Variants in R3HDM1 observed in about 807,000 individuals in gnomAD.
The protein encoded by R3HDM1 is R3H domain containing 1, also known as R3H domain-containing protein 1.
R3HDM1 carries 46 observed loss-of-function variants against 141.1 expected under a neutral mutation model. That is an observed-to-expected ratio of 0.33 (90% confidence interval 0.26 to 0.42). The LOEUF is 0.42. R3HDM1 is among the 10% of genes least tolerant of loss of function. R3HDM1 has a pLI of 1.00. For synonymous variants in R3HDM1, 435 were observed against 472.9 expected, an observed-to-expected ratio of 0.92 and a Z score of 1.04; for missense variants, 1,184 against 1,368.3, an observed-to-expected ratio of 0.87 and a Z score of 2.12.
At chr2:135,659,366 A>G (rs1212518169) in intron 18 of R3HDM1, among the ~76,000 whole-genome samples, 2 of 151,874 alleles carry the variant, frequency 1.3e-5, no homozygotes, top group African/African-American at 4.8e-5. Context: ...CCAGAGTGCT[A>G]GGATCACAGG....
chr2:135,575,042 G>A (rs1004343065), intron 1 of R3HDM1, among the ~76,000 whole-genome samples: 14 of 152,274 alleles, frequency 9.2e-5, no homozygotes, highest in Admixed American at 7.8e-4. Flanking sequence ...ATATGATAAC[G>A]GGTTGAGCAT....
chr2:135,551,582 A>G (rs563572682), intron 1 of R3HDM1, among the ~76,000 whole-genome samples: 1 of 152,372 alleles, frequency 6.6e-6, no homozygotes, highest in Admixed American at 6.5e-5. Flanking sequence ...TGTACATTAA[A>G]AGTTAAATCA....
At chr2:135,589,785 G>A (rs1708810539) in intron 1 of R3HDM1, among the ~76,000 whole-genome samples, 1 of 151,796 alleles carries the variant, frequency 6.6e-6, no homozygotes, top group South Asian at 2.1e-4. Context: ...ATGTTATAAA[G>A]TGACTTGGAT....
In R3HDM1 at chr2:135,649,701, C is replaced by T. The variant is rs78209413; in HGVS notation, c.1624-201C>T. 6.6e-5 allele frequency among the ~76,000 whole-genome samples: 10 copies of T among 152,160 alleles called. No individual in the cohort carries two copies. In the East Asian group the frequency reaches 1.9e-3, roughly 29 times the overall value. ...CTCCTAATTATGTAATAAATTCAGG[C>T]GTACATGTTTTTGAAAGTTTTACTG... On this transcript the variant is annotated intron_variant, in intron 16 of 26. Coordinates refer to ENST00000683871, the MANE Select transcript of R3HDM1 (RefSeq NM_001378107.1).
At chr2:135,548,441 A>G (rs1699191260) in intron 1 of R3HDM1, among the ~76,000 whole-genome samples, 2 of 152,208 alleles carry the variant, frequency 1.3e-5, no homozygotes, top group Non-Finnish European at 2.9e-5. Flanking sequence ...ATGCATTTAG[A>G]AAAATGCACA....
chr2:135,719,234 C>G (rs191158057), intron 24 of R3HDM1, among the ~76,000 whole-genome samples: 3 of 152,054 alleles, frequency 2.0e-5, no homozygotes, highest in Admixed American at 2.0e-4. Context: ...GTCATACAGT[C>G]TGGTATGAAT....
In R3HDM1 at chr2:135,670,263, G is replaced by A. The variant is rs184608444; in HGVS notation, c.2153-5069G>A. 1.0e-3 allele frequency: 983 copies of A among 940,726 alleles called. 12 individuals are homozygous for A. In the African/African-American group the frequency reaches 0.016, roughly 16 times the overall value. 58.3% of individuals were successfully genotyped at this position (940,726 alleles called of 1,614,324 possible). On this transcript the variant is annotated intron_variant, in intron 19 of 26. Transcript: ENST00000683871. ...AATATAATTTTAAATTATATTTTAA[G>A]TGAAAAGACAGGGATTTGGGGCCAA...
chr2:135,542,045 TATACTC>T (rs1019098937), intron 1 of R3HDM1, among the ~76,000 whole-genome samples: 11 of 152,280 alleles, frequency 7.2e-5, no homozygotes, highest in Admixed American at 6.5e-4. Context: ...ATGTGTACCT[TATACTC>T]ATAGCCTAAA....
intron 3 of R3HDM1, among the ~76,000 whole-genome samples, chr2:135,609,126 C>G (rs2060314891): frequency 6.6e-6 from 1 of 152,050 alleles, no homozygotes. Flanking sequence ...AGAGAGAGGC[C>G]AACAGACATT....
At chr2:135,559,869 C>T (rs1471829597) in intron 1 of R3HDM1, among the ~76,000 whole-genome samples, 1 of 152,218 alleles carries the variant, frequency 6.6e-6, no homozygotes, top group East Asian at 1.9e-4. Context: ...GAAACATTCA[C>T]TTACTAAATA....
intron 1 of R3HDM1, among the ~76,000 whole-genome samples, chr2:135,537,410 C>A (rs938712968): frequency 2.0e-5 from 3 of 150,264 alleles, no homozygotes; most frequent in African/African-American, 4.9e-5. Flanking sequence ...CTCAGCCCCC[C>A]CAAGTAGCTG....
At chr2:135,616,253 C>T in intron 4 of R3HDM1, 60 bp downstream of exon 4, 2 of 1,486,768 alleles carry the variant, frequency 1.3e-6, no homozygotes, top group Non-Finnish European at 1.9e-6. Flanking sequence ...CTTGATGAAT[C>T]CTTGTTTTCA....
intron 3 of R3HDM1, among the ~76,000 whole-genome samples, chr2:135,610,095 C>T (rs2060396272): frequency 6.6e-6 from 1 of 152,048 alleles, no homozygotes; most frequent in Non-Finnish European, 1.5e-5. Flanking sequence ...TTGATTTTTA[C>T]AGTCATTTAT....
At chr2:135,633,328 A>G (rs1223513953) in intron 9 of R3HDM1, among the ~76,000 whole-genome samples, 3 of 152,174 alleles carry the variant, frequency 2.0e-5, no homozygotes, top group African/African-American at 7.2e-5. Flanking sequence ...TCTCAACATT[A>G]CTCAGAGCTG....
chr2:135,586,840 C>T, intron 1 of R3HDM1: 1 of 985,258 alleles, frequency 1.0e-6, no homozygotes, highest in Non-Finnish European at 1.2e-6. Context: ...AAATTGTCAG[C>T]TGGAAAAATG....
chr2:135,655,519 GTTT>G (rs2065743609), intron 18 of R3HDM1, among the ~76,000 whole-genome samples: 1 of 150,154 alleles, frequency 6.7e-6, no homozygotes, highest in African/African-American at 2.5e-5. Context: ...TGTTGTTGTT[GTTT>G]TTGAGATGGA....
intron 1 of R3HDM1, among the ~76,000 whole-genome samples, chr2:135,561,853 C>T (rs1226406320): frequency 6.6e-5 from 10 of 152,080 alleles, no homozygotes; most frequent in Non-Finnish European, 4.4e-5. Context: ...AAACTGTCAG[C>T]TTAGTATAAA....
At chr2:135,628,114 A>G (rs1271683705) in intron 7 of R3HDM1, among the ~76,000 whole-genome samples, 1 of 152,186 alleles carries the variant, frequency 6.6e-6, no homozygotes, top group Non-Finnish European at 1.5e-5. Context: ...AGATCAATAT[A>G]CCTTGAGAAA....
At chr2:135,622,096 A>T in intron 6 of R3HDM1, 1 of 982,370 alleles carries the variant, frequency 1.0e-6, no homozygotes, top group Non-Finnish European at 1.2e-6. Flanking sequence ...GTTGACCAGT[A>T]TTATAAATAG....
Sources: allele counts gnomAD v4.1 joint callset (sites outside exome capture counted in the v4.1 genomes callset), GRCh38; gene constraint gnomAD v4.1.1; transcripts MANE v1.5; gene names NCBI Gene and HGNC (gene_info 2026-07-23, HGNC 2026-07-21).